Variants in SYMPK observed in about 807,000 individuals in gnomAD.
SYMPK encodes symplekin.
A neutral mutation model predicts 136.4 loss-of-function variants in SYMPK; 49 were observed. That is an observed-to-expected ratio of 0.36 (90% CI 0.29 to 0.46). The LOEUF (loss-of-function observed/expected upper bound fraction) is 0.46. SYMPK is among the 20% of genes least tolerant of loss of function. The pLI is 1.00. For synonymous variants in SYMPK, 766 were observed against 713.0 expected, an observed-to-expected ratio of 1.07 and a Z score of -1.19; for missense variants, 1,365 against 1,690.0, an observed-to-expected ratio of 0.81 and a Z score of 3.37.
chr19:45,849,435 A>C (rs1971646047), intron 5 of SYMPK, among the ~76,000 whole-genome samples: 1 of 152,184 alleles, frequency 6.6e-6, no homozygotes, highest in African/African-American at 2.4e-5. Context: ...TGAAGAAAAA[A>C]ATGAAGGGCC....
At chr19:45,818,215 C>T (rs1261310829) in intron 22 of SYMPK, 69 bp from the exon 23 acceptor site, 1 of 1,436,544 alleles carries the variant, frequency 7.0e-7, no homozygotes, top group East Asian at 2.6e-5. Context: ...GAGTCCCGGC[C>T]TCTGCTGTCT....
chr19:45,854,724 A>T, intron 1 of SYMPK: 1 of 540,690 alleles, frequency 1.8e-6, no homozygotes, highest in African/African-American at 1.9e-5. Flanking sequence ...GACATCTCCC[A>T]AGGCAGAGCC....
intron 12 of SYMPK, 22 bp from the exon 13 acceptor site, chr19:45,830,226 G>C (rs1239801592): frequency 1.9e-6 from 3 of 1,603,358 alleles, no homozygotes; most frequent in African/African-American, 1.3e-5. Context: ...AGCAGTGACA[G>C]AGATGCAGTG....
At chr19:45,854,533 G>A in intron 1 of SYMPK, 26 bp from the exon 2 acceptor site, 1 of 1,593,790 alleles carries the variant, frequency 6.3e-7, no homozygotes, top group Non-Finnish European at 8.6e-7. Flanking sequence ...GAAGAGGATG[G>A]ATCAAGCTCA....
chr19:45,823,669 T>TA (rs1970963107), intron 19 of SYMPK, 98 bp downstream of exon 19: 5 of 1,124,972 alleles, frequency 4.4e-6, no homozygotes, highest in Non-Finnish European at 6.6e-6. Flanking sequence ...CCGCAAGAGG[T>TA]ACGACCATCT....
At chr19:45,818,906 T>G (rs1276513565) in intron 22 of SYMPK, 2 of 151,914 alleles carry the variant, frequency 1.3e-5, no homozygotes, top group Admixed American at 6.6e-5. Context: ...CCACTTGCCA[T>G]GTGAGTGTCA....
At position 45,826,357 on chromosome 19, in the gene SYMPK, A is replaced by G; in HGVS notation, c.2198T>C (p.Leu733Pro). The change falls in exon 17 of 27, where the codon CTG becomes CCG. Residue 733 changes from leucine (L) to proline (P), a missense_variant. Physicochemically the swap from Leu to Pro is moderately conservative, Grantham distance 98. Around this residue, in one of 11 missense-constraint regions of SYMPK, gnomAD observed 303 missense variants for 326.6 expected, o/e 0.93. Transcript: ENST00000245934. ...CTCATACATGCGTTTGATGAACAGCAGGGCCTGGGAGCGCACCTGAGGAGG... is the reference window on the plus strand; with the variant it reads ...CTCATACATGCGTTTGATGAACAGCGGGGCCTGGGAGCGCACCTGAGGAGG... ...HEKDKVRSQA[L>P]LFIKRMYEKE... 1.2e-6 allele frequency: 2 copies of G among 1,614,130 alleles called. No homozygotes were observed. Among genetic ancestry groups the G allele is most frequent in the Non-Finnish European group, 1.7e-6 (2 of 1,180,008 alleles).
intron 1 of SYMPK, among the ~76,000 whole-genome samples, chr19:45,861,276 CCT>C (rs148854580): frequency 0.017 from 2,569 of 152,126 alleles, 73 homozygotes; most frequent in African/African-American, 0.059. Context: ...AATATTTTAC[CCT>C]GTTTCATTCT....
intron 16 of SYMPK, among the ~76,000 whole-genome samples, chr19:45,826,863 C>T (rs1482965131): frequency 1.3e-5 from 2 of 152,246 alleles, no homozygotes; most frequent in Non-Finnish European, 2.9e-5. Flanking sequence ...CGCTACCCAG[C>T]AAGGGCTGGG....
intron 2 of SYMPK, 41 bp from the exon 3 acceptor site, chr19:45,854,281 T>C: frequency 6.2e-7 from 1 of 1,611,034 alleles, no homozygotes; most frequent in Non-Finnish European, 8.5e-7. Context: ...GCCAGCCCAG[T>C]CCAGCCCAGT....
At chr19:45,834,097 C>G (rs1055052141) in intron 11 of SYMPK, among the ~76,000 whole-genome samples, 1 of 152,192 alleles carries the variant, frequency 6.6e-6, no homozygotes, top group African/African-American at 2.4e-5. Flanking sequence ...ACCATCCTGG[C>G]TAAGACGGTG....
intron 25 of SYMPK, 143 bp downstream of exon 25, chr19:45,816,339 A>G (rs57595271): frequency 6.4e-6 from 8 of 1,246,126 alleles, no homozygotes; most frequent in African/African-American, 1.5e-5. Context: ...TCCCAGCAGG[A>G]GCATCCCCTG....
At chr19:45,842,646 G>A (rs1600518510) in intron 8 of SYMPK, 157 bp from the exon 9 acceptor site, 3 of 996,236 alleles carry the variant, frequency 3.0e-6, no homozygotes, top group Admixed American at 5.5e-5. Context: ...CGCCTTACAA[G>A]CTGATGCTTC....
chr19:45,858,387 A>C lies in SYMPK; in HGVS notation c.-12-3880T>G, dbSNP rs189304958. Among the ~76,000 whole-genome samples the C allele has an allele frequency of 2.6e-3, 394 of 152,132 alleles. 2 individuals are homozygous for C. The highest frequency in any genetic ancestry group is 8.9e-3 in the African/African-American group (371 of 41,504). Reference sequence around the variant, plus strand: ...ACATGCCCAACATGCCCCTTCCTCAAAGACTTTGTGCCTCTCTTCCGTCTG... The same window carrying C: ...ACATGCCCAACATGCCCCTTCCTCACAGACTTTGTGCCTCTCTTCCGTCTG... On this transcript the variant is annotated intron_variant, in intron 1 of 26. Coordinates refer to ENST00000245934, the MANE Select transcript of SYMPK (RefSeq NM_004819.3).
In SYMPK at chr19:45,829,190, G is replaced by A. The variant is rs138674985; in HGVS notation, c.1765C>T (p.Leu589=). ...SGAAQVRIKI[L]ASLVTQFNSG... ...TTGAACTGTGTCACCAGGCTGGCCA[G>A]GATCTTTATGCGGACCTGGTGGGAG... is the stretch of plus-strand genomic sequence containing the variant. The change falls in exon 14 of 27, where the codon CTG becomes TTG. Residue 589 remains leucine, a synonymous_variant. Coordinates refer to ENST00000245934, the MANE Select transcript of SYMPK (RefSeq NM_004819.3). 6.6e-5 allele frequency: 106 copies of A among 1,613,624 alleles called. No individual in the cohort carries two copies. The highest frequency in any genetic ancestry group is 8.4e-5 in the Non-Finnish European group (99 of 1,179,692).
intron 7 of SYMPK, among the ~76,000 whole-genome samples, chr19:45,845,704 G>A (rs1367759637): frequency 6.6e-6 from 1 of 152,014 alleles, no homozygotes; most frequent in African/African-American, 2.4e-5. Flanking sequence ...CCTTTATTTC[G>A]GTTACATATC....
chr19:45,851,448 G>A (rs752017687), intron 5 of SYMPK, among the ~76,000 whole-genome samples: 3 of 151,678 alleles, frequency 2.0e-5, no homozygotes, highest in Non-Finnish European at 4.4e-5. Context: ...ATGGTGGCAC[G>A]CACCTGTAAT....
chr19:45,827,732 T>G, intron 15 of SYMPK, 105 bp downstream of exon 15: 1 of 1,509,136 alleles, frequency 6.6e-7, no homozygotes, highest in South Asian at 1.1e-5. Flanking sequence ...GCCCGGTCCC[T>G]CACAAAACCC....
chr19:45,861,245 T>A (rs1251111098), intron 1 of SYMPK, among the ~76,000 whole-genome samples: 2 of 152,132 alleles, frequency 1.3e-5, no homozygotes, highest in East Asian at 3.9e-4. Flanking sequence ...TTTTTCATGA[T>A]AATACATTCA....
Sources: gnomAD v4.1 joint callset for allele counts (sites outside exome capture counted in the v4.1 genomes callset) on GRCh38, gnomAD v4.1.1 for gene constraint, gnomAD v4.1.1 regional missense constraint, MANE v1.5 for transcripts, NCBI Gene and HGNC (gene_info 2026-07-23, HGNC 2026-07-21) for gene names.